The following RBBP8 variants were observed in gnomAD, a reference collection of about 807,000 sequenced individuals.
RBBP8 encodes DNA endonuclease RBBP8.
In RBBP8, 88 loss-of-function variants were observed where a neutral mutation model predicts 108.3. That is an observed-to-expected ratio of 0.81 (90% CI 0.68 to 0.97). RBBP8 has a LOEUF of 0.97. Ranked by LOEUF, RBBP8 falls within the 50% of genes least tolerant of loss-of-function variation. The pLI, the probability that RBBP8 is intolerant of heterozygous loss-of-function variation, is 0.00. For missense variants in RBBP8, 1,023 were observed against 1,049.0 expected, an observed-to-expected ratio of 0.98 and a Z score of 0.34; for synonymous variants, 332 against 348.2, an observed-to-expected ratio of 0.95 and a Z score of 0.52.
chr18:22,946,641 A>C (rs1243330851), intron 3 of RBBP8, among the ~76,000 whole-genome samples, 155 bp downstream of exon 3: 3 of 152,076 alleles, frequency 2.0e-5, no homozygotes, highest in Non-Finnish European at 4.4e-5. Context: ...GGGCCTTGGT[A>C]GTCAGCAGCA....
intron 3 of RBBP8, among the ~76,000 whole-genome samples, chr18:22,946,984 A>G (rs1911618604): frequency 6.6e-6 from 1 of 152,110 alleles, no homozygotes. Flanking sequence ...TTTTGCTTAT[A>G]AAGTTCTAAA....
At chr18:23,008,737 G>C (rs2046102150) in intron 16 of RBBP8, among the ~76,000 whole-genome samples, 1 of 150,130 alleles carries the variant, frequency 6.7e-6, no homozygotes, top group Non-Finnish European at 1.5e-5. Context: ...TAGGTGGACA[G>C]AGTTAGGAAA....
At chr18:22,957,817 G>A (rs535649026) in intron 4 of RBBP8, among the ~76,000 whole-genome samples, 1 of 152,260 alleles carries the variant, frequency 6.6e-6, no homozygotes, top group South Asian at 2.1e-4. Flanking sequence ...AGAATGGTAG[G>A]TGATAAGAAA....
In RBBP8 at chr18:23,022,908, A is replaced by T. The variant is rs1437914665; in HGVS notation, c.2596+638A>T. On this transcript the variant is annotated intron_variant, in intron 18 of 18. Transcript: ENST00000327155. ...TCTCTTTTATTCTATCATCAAAATG[A>T]TTTTTTTTTTTATAGGGCTTCACTC... 1.9e-4 allele frequency among the ~76,000 whole-genome samples: 29 copies of T among 148,986 alleles called. 1 individual carries two copies. Among genetic ancestry groups the T allele is most frequent in the Admixed American group, 1.8e-3 (27 of 14,864 alleles).
intron 1 of RBBP8, chr18:22,915,361 G>A (rs1278334219): frequency 6.6e-6 from 1 of 152,020 alleles, no homozygotes; most frequent in Non-Finnish European, 1.5e-5. Flanking sequence ...TTAGGATGTT[G>A]ACAAAGAATA....
chr18:23,019,622 T>G (rs1226476324), intron 17 of RBBP8, among the ~76,000 whole-genome samples: 16 of 152,150 alleles, frequency 1.1e-4, no homozygotes, highest in Admixed American at 1.0e-3. Context: ...GATCTTATAG[T>G]TATTCACTAC....
intron 3 of RBBP8, among the ~76,000 whole-genome samples, chr18:22,927,391 C>T (rs1909828014): frequency 6.6e-6 from 1 of 152,128 alleles, no homozygotes; most frequent in Non-Finnish European, 1.5e-5. Flanking sequence ...CAGAAATAAA[C>T]GAAGAATTGG....
intron 16 of RBBP8, among the ~76,000 whole-genome samples, chr18:23,013,677 T>A (rs1324872701): frequency 6.6e-6 from 1 of 152,220 alleles, no homozygotes; most frequent in Non-Finnish European, 1.5e-5. Flanking sequence ...GAGCTGATAA[T>A]CATCTTTGTT....
chr18:22,993,696 G>C (rs1381290198), intron 11 of RBBP8, 25 bp from the exon 12 acceptor site: 2 of 1,614,012 alleles, frequency 1.2e-6, no homozygotes, highest in Non-Finnish European at 1.7e-6. Context: ...ATTTCATTTA[G>C]AGCTAACAAT....
intron 1 of RBBP8, chr18:22,933,796 C>T (rs1910233624): frequency 6.6e-6 from 1 of 152,286 alleles, no homozygotes; most frequent in East Asian, 1.9e-4. Context: ...GCTGAGGAAG[C>T]GCCTTTCGCC....
intron 4 of RBBP8, among the ~76,000 whole-genome samples, chr18:22,956,545 T>C (rs1165893066): frequency 6.6e-6 from 1 of 152,130 alleles, no homozygotes; most frequent in Non-Finnish European, 1.5e-5. Context: ...GCGTTGATCA[T>C]AGGCTGGTCT....
intron 2 of RBBP8, among the ~76,000 whole-genome samples, chr18:22,938,970 G>T (rs12964830): frequency 0.49 from 74,686 of 152,080 alleles, 21,698 homozygotes; most frequent in Middle Eastern, 0.67. Flanking sequence ...AATATTATTT[G>T]TGTTAAAAGA....
At chr18:23,024,401 T>C (rs995874303) in intron 18 of RBBP8, among the ~76,000 whole-genome samples, 1 of 152,198 alleles carries the variant, frequency 6.6e-6, no homozygotes, top group Admixed American at 6.5e-5. Flanking sequence ...ATACTGACAT[T>C]ACATGTGTAC....
chr18:23,024,533 A>G (rs557549296), intron 18 of RBBP8: 3 of 152,326 alleles, frequency 2.0e-5, no homozygotes, highest in Admixed American at 1.3e-4. Context: ...TATTTTCTCC[A>G]TGGTCCAAAG....
intron 6 of RBBP8, among the ~76,000 whole-genome samples, chr18:22,980,905 C>G (rs531219796): frequency 2.8e-5 from 4 of 142,074 alleles, no homozygotes; most frequent in East Asian, 4.5e-4. Flanking sequence ...TTGTACGTAG[C>G]AATAGGGTTT....
At chr18:23,003,752 T>C (rs965407591) in intron 15 of RBBP8, among the ~76,000 whole-genome samples, 13 of 152,100 alleles carry the variant, frequency 8.5e-5, no homozygotes, top group Non-Finnish European at 2.9e-5. Context: ...ATCAACAGGA[T>C]TGGTGACAAT....
intron 10 of RBBP8, 69 bp from the exon 11 acceptor site, chr18:22,992,679 G>T (rs1915778856): frequency 7.2e-7 from 1 of 1,384,306 alleles, no homozygotes; most frequent in African/African-American, 1.4e-5. Flanking sequence ...TTAATCATTT[G>T]CTTCTAAGAG....
At position 22,993,383 on chromosome 18, in the gene RBBP8, T is replaced by G. The variant is rs1915839436; in HGVS notation, c.1556T>G (p.Val519Gly). The G allele has an allele frequency of 1.2e-6, 2 of 1,614,100 alleles. No homozygotes were observed. The change falls in exon 11 of 19, where the codon GTG (valine) becomes GGG (glycine). Residue 519 changes from valine to glycine, a missense_variant. Physicochemically the swap from Val to Gly is moderately radical, Grantham distance 109 (BLOSUM62 -3). Transcript: ENST00000327155. Reference protein sequence around the residue: ...SETSKNKFRQVTLYEALKTIP... With the variant: ...SETSKNKFRQGTLYEALKTIP... ...ACTTCTAAAAACAAATTTAGGCAAG[T>G]GACTCTTTATGAGGCTTTGAAGACC...
chr18:23,025,364 C>T (rs137992812), intron 18 of RBBP8, among the ~76,000 whole-genome samples: 115 of 152,362 alleles, frequency 7.5e-4, no homozygotes, highest in African/African-American at 2.5e-3. Flanking sequence ...CTTTTGGAGA[C>T]GCTCCAGATG....
Sources: allele counts gnomAD v4.1 joint callset (sites outside exome capture counted in the v4.1 genomes callset), GRCh38; gene constraint gnomAD v4.1.1; transcripts MANE v1.5; gene names NCBI Gene and HGNC (gene_info 2026-07-23, HGNC 2026-07-21).